The following OCA2 variants were observed in gnomAD, a reference collection of about 807,000 sequenced individuals.
OCA2 encodes the protein OCA2 melanosomal transmembrane protein.
Under a neutral mutation model 100.2 loss-of-function variants are expected in OCA2, and 77 were observed. The ratio of observed to expected loss-of-function variants is 0.77; its 90% confidence interval spans 0.64 to 0.93. OCA2 has a LOEUF of 0.93. Ranked by LOEUF, OCA2 falls within the 40% of genes least tolerant of loss-of-function variation. The pLI is 0.00. For missense variants in OCA2, 1,062 were observed against 1,089.1 expected (o/e 0.98, Z 0.35); for synonymous variants, 432 against 439.2 (o/e 0.98, Z 0.21).
intron 19 of OCA2, among the ~76,000 whole-genome samples, chr15:27,899,958 C>T (rs1414904081): frequency 6.6e-6 from 1 of 152,096 alleles, no homozygotes; most frequent in Non-Finnish European, 1.5e-5. Context: ...ATCTTGAGCT[C>T]AGTGGATTTG....
intron 21 of OCA2, among the ~76,000 whole-genome samples, chr15:27,869,165 A>G (rs1378211653): frequency 6.6e-6 from 1 of 152,216 alleles, no homozygotes; most frequent in Non-Finnish European, 1.5e-5. Context: ...TGGGCTTTGA[A>G]GAGCTGTGTG....
At chr15:28,035,005 C>G (rs1301996215) in intron 2 of OCA2, among the ~76,000 whole-genome samples, 1 of 152,094 alleles carries the variant, frequency 6.6e-6, no homozygotes, top group African/African-American at 2.4e-5. Context: ...CGCTATTGCT[C>G]CTTGGAAAGC....
At chr15:27,950,701 A>G (rs756861615) in intron 18 of OCA2, 22 of 315,226 alleles carry the variant, frequency 7.0e-5, no homozygotes, top group Non-Finnish European at 1.4e-4. Context: ...TTTTTACATA[A>G]GAGAAAAGGA....
intron 23 of OCA2, among the ~76,000 whole-genome samples, chr15:27,795,583 G>A (rs886451854): frequency 6.6e-5 from 10 of 152,210 alleles, no homozygotes; most frequent in African/African-American, 2.4e-4. Flanking sequence ...CCACAGACCA[G>A]CATCAGCTCT....
intron 23 of OCA2, among the ~76,000 whole-genome samples, chr15:27,811,508 A>C (rs2034076801): frequency 6.6e-6 from 1 of 151,728 alleles, no homozygotes; most frequent in Admixed American, 6.5e-5. Context: ...CCCAAAAGCT[A>C]TTGAAATAAA....
At chr15:28,013,639 A>T (rs555374154) in intron 9 of OCA2, among the ~76,000 whole-genome samples, 1 of 152,052 alleles carries the variant, frequency 6.6e-6, no homozygotes, top group South Asian at 2.1e-4. Context: ...TGCTGGAGGG[A>T]GGGGCGTGCT....
chr15:27,826,244 G>T (rs757991087), intron 23 of OCA2, among the ~76,000 whole-genome samples: 14 of 152,154 alleles, frequency 9.2e-5, no homozygotes, highest in Non-Finnish European at 1.8e-4. Context: ...TTTTCTGAGT[G>T]CTTTTACCTA....
chr15:27,816,661 C>T (rs779237825), intron 23 of OCA2, among the ~76,000 whole-genome samples: 24 of 152,096 alleles, frequency 1.6e-4, no homozygotes, highest in Non-Finnish European at 1.2e-4. Context: ...GTAACTCCTC[C>T]CTCTCATATC....
chr15:28,089,162 G>A (rs1000186855), intron 1 of OCA2, among the ~76,000 whole-genome samples: 1 of 152,214 alleles, frequency 6.6e-6, no homozygotes, highest in African/African-American at 2.4e-5. Context: ...CAGGCCACCA[G>A]ACTTTAAGGT....
intron 23 of OCA2, among the ~76,000 whole-genome samples, chr15:27,760,213 A>T (rs2030722258): frequency 6.6e-6 from 1 of 152,066 alleles, no homozygotes; most frequent in African/African-American, 2.4e-5. Flanking sequence ...ATGAAAATGG[A>T]GCATCATTTT....
Position 27,955,217 on chromosome 15 carries a change from T to G in OCA2, c.1785-2A>C, listed in dbSNP as rs1413862764. 1 of 1,607,414 alleles carries G rather than the reference T, an allele frequency of 6.2e-7. No homozygotes were observed. Among genetic ancestry groups the G allele is most frequent in the Non-Finnish European group, 8.5e-7 (1 of 1,173,838 alleles). On this transcript the variant is annotated splice_acceptor_variant, in intron 16 of 23. Coordinates refer to ENST00000354638, the MANE Select transcript of OCA2 (RefSeq NM_000275.3). LOFTEE classifies it high-confidence loss of function. ...TTTTTGTCCTCCTGTGAGATCTGTC[T>G]AAAAGAGAAAAGAAGAGACTCATTA...
chr15:27,951,266 A>G (rs2040018001), intron 18 of OCA2, among the ~76,000 whole-genome samples: 1 of 152,196 alleles, frequency 6.6e-6, no homozygotes, highest in Non-Finnish European at 1.5e-5. Flanking sequence ...GTGGGAGAAG[A>G]GAAACCAATG....
chr15:27,801,335 C>CCT (rs1390031061), intron 23 of OCA2, among the ~76,000 whole-genome samples: 11 of 152,064 alleles, frequency 7.2e-5, no homozygotes, highest in South Asian at 2.1e-4. Flanking sequence ...GGGCAGATCA[C>CCT]GAGGTCAAGA....
intron 6 of OCA2, among the ~76,000 whole-genome samples, chr15:28,020,582 G>T (rs1188673215): frequency 6.6e-6 from 1 of 152,172 alleles, no homozygotes; most frequent in East Asian, 1.9e-4. Context: ...GCAAGTCTTG[G>T]CTTTCTTCAT....
chr15:27,799,731 C>A (rs564223112), intron 23 of OCA2, among the ~76,000 whole-genome samples: 1 of 141,306 alleles, frequency 7.1e-6, no homozygotes, highest in African/African-American at 2.6e-5. Context: ...AGTGACAGAG[C>A]AAGACTCCGT....
chr15:28,005,225 G>A (rs929901872), intron 9 of OCA2, among the ~76,000 whole-genome samples: 2 of 152,062 alleles, frequency 1.3e-5, no homozygotes, highest in African/African-American at 4.8e-5. Flanking sequence ...GGAAATGGCT[G>A]TGATTCCACA....
At chr15:27,791,605 A>G (rs927280659) in intron 23 of OCA2, among the ~76,000 whole-genome samples, 4 of 152,210 alleles carry the variant, frequency 2.6e-5, no homozygotes, top group Admixed American at 6.5e-5. Context: ...ATTCTTCAAC[A>G]TTCACAGGGC....
At chr15:27,825,699 ACC>A (rs1274314846) in intron 23 of OCA2, among the ~76,000 whole-genome samples, 2 of 152,036 alleles carry the variant, frequency 1.3e-5, no homozygotes, top group Admixed American at 6.5e-5. Flanking sequence ...GGTTCTCCCA[ACC>A]CCACCTTTGA....
intron 23 of OCA2, among the ~76,000 whole-genome samples, chr15:27,832,774 G>A (rs2035009330): frequency 6.6e-6 from 1 of 151,200 alleles, no homozygotes; most frequent in South Asian, 2.1e-4. Flanking sequence ...GACTATAAAA[G>A]AACAAACATT....
Sources: allele counts gnomAD v4.1 joint callset (sites outside exome capture counted in the v4.1 genomes callset), GRCh38; gene constraint gnomAD v4.1.1; transcripts MANE v1.5; gene names NCBI Gene and HGNC (gene_info 2026-07-23, HGNC 2026-07-21).